The following SIM2 variants were observed in gnomAD, a reference collection of about 807,000 sequenced individuals.
The protein encoded by SIM2 is SIM bHLH transcription factor 2.
In SIM2, 28 loss-of-function variants were observed where a neutral mutation model predicts 64.8. The ratio of observed to expected loss-of-function variants is 0.43; its 90% CI spans 0.32 to 0.59. The LOEUF is 0.59. Among genes scored for constraint, SIM2 ranks in the 20% least tolerant of loss-of-function variants. The pLI is 0.07. For synonymous variants in SIM2, 408 were observed against 391.1 expected, an observed-to-expected ratio of 1.04 and a Z score of -0.51; for missense variants, 847 against 871.4, an observed-to-expected ratio of 0.97 and a Z score of 0.35.
chr21:36,712,822 C>T (rs2088695386), intron 3 of SIM2, among the ~76,000 whole-genome samples, 200 bp downstream of exon 3: 10 of 152,130 alleles, frequency 6.6e-5, no homozygotes, highest in Admixed American at 6.5e-4. Context: ...TTTTTACTTT[C>T]TTTTTCCCTT....
At position 36,744,839 on chromosome 21, in the gene SIM2, A is replaced by G; in HGVS notation, c.1279A>G (p.Ser427Gly). The G allele has an allele frequency of 1.2e-6, 2 of 1,614,256 alleles. No homozygotes were observed. Among genetic ancestry groups the G allele is most frequent in the Non-Finnish European group, 1.7e-6 (2 of 1,180,046 alleles). Residue 427 changes from serine to glycine, a missense_variant, in exon 10 of 11, where the codon AGC (serine) becomes GGC (glycine). By Grantham distance (56) the Ser-to-Gly change is moderately conservative (BLOSUM62 0). Coordinates refer to ENST00000290399, the MANE Select transcript of SIM2 (RefSeq NM_005069.6). Reference protein sequence around the residue: ...APPELQPHSESSDLLYTPSYS... With the variant: ...APPELQPHSEGSDLLYTPSYS... Reference sequence around the variant, plus strand: ...TCCAGAACTGCAGCCCCACTCAGAAAGCAGTGACCTTCTGTACACGCCATC... The same window carrying G: ...TCCAGAACTGCAGCCCCACTCAGAAGGCAGTGACCTTCTGTACACGCCATC...
At chr21:36,702,445 C>G (rs8130149) in intron 1 of SIM2, among the ~76,000 whole-genome samples, 43,349 of 152,154 alleles carry the variant, frequency 0.28, 7,692 homozygotes, top group African/African-American at 0.5. Flanking sequence ...GACCTGGAGC[C>G]GGTGGACTCA....
chr21:36,744,425 AAAG>A (rs930608800), intron 9 of SIM2, among the ~76,000 whole-genome samples: 1 of 148,736 alleles, frequency 6.7e-6, no homozygotes, highest in African/African-American at 2.4e-5. Context: ...AGAAATAAAG[AAAG>A]AAAGAAAAAC....
chr21:36,737,339 A>G (rs2089078108), intron 7 of SIM2, among the ~76,000 whole-genome samples: 1 of 152,208 alleles, frequency 6.6e-6, no homozygotes, highest in Admixed American at 6.5e-5. Context: ...TAAAGGCACC[A>G]TGCTCCAGCC....
At chr21:36,746,522 C>T (rs1420427235) in intron 10 of SIM2, among the ~76,000 whole-genome samples, 1 of 152,148 alleles carries the variant, frequency 6.6e-6, no homozygotes, top group African/African-American at 2.4e-5. Flanking sequence ...ACATTTCTTC[C>T]CAAATCTGAG....
At chr21:36,737,398 T>C (rs112340981) in intron 7 of SIM2, among the ~76,000 whole-genome samples, 265 of 152,124 alleles carry the variant, frequency 1.7e-3, no homozygotes, top group Non-Finnish European at 2.2e-3. Context: ...TTGTTTCATG[T>C]TTGGGAGACT....
intron 1 of SIM2, among the ~76,000 whole-genome samples, chr21:36,707,388 G>A (rs1347486190): frequency 6.6e-6 from 1 of 152,104 alleles, no homozygotes; most frequent in Non-Finnish European, 1.5e-5. Flanking sequence ...GATGCGGGGT[G>A]AGCGCGATTT....
Position 36,699,748 on chromosome 21 carries a change from TGAA to T in SIM2, c.4_6del (p.Lys2?). 4.3e-6 allele frequency: 7 copies of T among 1,611,980 alleles called. No homozygotes were observed. The highest frequency in any genetic ancestry group is 5.1e-6 in the Non-Finnish European group (6 of 1,178,978). ...TAATATGCCCGGAGCCGAGGCGCGA[TGAA>T]GGAGAAGTCCAAGAATGCGGCCAAG... On this transcript the variant is annotated start_lost and inframe_deletion, in exon 1 of 11. Coordinates refer to ENST00000290399, the MANE Select transcript of SIM2 (RefSeq NM_005069.6). The surrounding 1 kb of genome is among the most constrained non-coding windows in gnomAD (Gnocchi z 5.6).
At chr21:36,714,828 T>C (rs939477910) in intron 3 of SIM2, among the ~76,000 whole-genome samples, 1 of 152,176 alleles carries the variant, frequency 6.6e-6, no homozygotes. Flanking sequence ...ATTGGATAGG[T>C]GACAAATCTG....
At position 36,702,838 on chromosome 21, in the gene SIM2, GA is replaced by G. The variant is rs1568922128; in HGVS notation, c.175+2922del. Among the ~76,000 whole-genome samples, 3 of 149,492 alleles carry G rather than the reference GA, an allele frequency of 2.0e-5. No individual in the cohort carries two copies. In the East Asian group the frequency reaches 6.0e-4, roughly 30 times the overall value. On this transcript the variant is annotated intron_variant, in intron 1 of 10. Coordinates refer to ENST00000290399, the MANE Select transcript of SIM2 (RefSeq NM_005069.6). ...CGCCTCGGGCTCTCAGCTGCAAGGT[GA>G]AAAATACCATGAGGAATTGATCTGC...
chr21:36,716,409 T>A (rs1321669886), intron 3 of SIM2, among the ~76,000 whole-genome samples: 1 of 152,184 alleles, frequency 6.6e-6, no homozygotes, highest in East Asian at 1.9e-4. Context: ...TAAAAGAATG[T>A]CTTATTTGAG....
At chr21:36,703,383 G>T (rs989753682) in intron 1 of SIM2, among the ~76,000 whole-genome samples, 2 of 152,186 alleles carry the variant, frequency 1.3e-5, no homozygotes, top group Non-Finnish European at 2.9e-5. Context: ...AATGCACAGG[G>T]TTGCTGTGAT....
At chr21:36,737,769 G>A (rs144250716) in intron 7 of SIM2, among the ~76,000 whole-genome samples, 58 of 152,054 alleles carry the variant, frequency 3.8e-4, no homozygotes, top group African/African-American at 1.3e-3. Flanking sequence ...AGACCAGCCT[G>A]GCCAACATGG....
At chr21:36,730,551 G>A (rs565030984) in intron 6 of SIM2, among the ~76,000 whole-genome samples, 6 of 152,218 alleles carry the variant, frequency 3.9e-5, no homozygotes, top group South Asian at 2.1e-4. Flanking sequence ...GGGCAGTGAT[G>A]CCTGTTACAC....
At chr21:36,739,837 T>G (rs1023545843) in intron 7 of SIM2, among the ~76,000 whole-genome samples, 5 of 151,938 alleles carry the variant, frequency 3.3e-5, no homozygotes, top group African/African-American at 1.2e-4. Context: ...GTCAGGAGTT[T>G]GAGACCAGCC....
chr21:36,724,495 T>A (rs547688078), intron 5 of SIM2, among the ~76,000 whole-genome samples: 2 of 152,320 alleles, frequency 1.3e-5, no homozygotes, highest in Admixed American at 1.3e-4. Context: ...TCCAGGCTGG[T>A]CTTGAGTCCC....
At chr21:36,709,280 A>AGCC in intron 2 of SIM2, 30 bp downstream of exon 2, 5 of 1,526,220 alleles carry the variant, frequency 3.3e-6, no homozygotes, top group Non-Finnish European at 4.4e-6. Context: ...GGAGGAGCGC[A>AGCC]GCCGCCGCAG....
intron 3 of SIM2, 61 bp from the exon 4 acceptor site, chr21:36,719,760 C>T: frequency 1.0e-6 from 1 of 995,222 alleles, no homozygotes; most frequent in Non-Finnish European, 1.6e-6. Context: ...ACACCTTGCC[C>T]CTCCCCCTGC....
At chr21:36,735,248 G>C (rs550209610) in intron 7 of SIM2, among the ~76,000 whole-genome samples, 1 of 152,310 alleles carries the variant, frequency 6.6e-6, no homozygotes, top group South Asian at 2.1e-4. Context: ...AGGCCTCAGT[G>C]GGGGAGAACA....
Sources: gnomAD v4.1 joint callset for allele counts (sites outside exome capture counted in the v4.1 genomes callset) on GRCh38, gnomAD v4.1.1 for gene constraint, Gnocchi (gnomAD v3.1) non-coding constraint, MANE v1.5 for transcripts, NCBI Gene and HGNC (gene_info 2026-07-23, HGNC 2026-07-21) for gene names.